The following CDC73 variants were observed in gnomAD, a reference collection of about 807,000 sequenced individuals.
CDC73 encodes the protein cell division cycle 73, also known as parafibromin.
CDC73 carries 21 observed loss-of-function variants against 83.7 expected under a neutral mutation model. The ratio of observed to expected loss-of-function variants is 0.25; its 90% CI spans 0.18 to 0.36. The LOEUF is 0.36. Among genes scored for constraint, CDC73 ranks in the 10% least tolerant of loss-of-function variants. The probability of loss-of-function intolerance (pLI) is 1.00; values close to 1 mark genes in which losing one functional copy is unlikely to be tolerated. For missense variants in CDC73, 342 were observed against 653.3 expected (o/e 0.52, Z 5.19); for synonymous variants, 224 against 212.9 (o/e 1.05, Z -0.45).
rs1486370108 is a variant in CDC73, at chr1:193,251,299, A to T, written c.*587A>T. 1 of 232,076 alleles carries T rather than the reference A, an allele frequency of 4.3e-6. No individual in the cohort carries two copies. The highest frequency in any genetic ancestry group is 6.1e-5 in the East Asian group (1 of 16,342). 14.4% of individuals were successfully genotyped at this position (232,076 alleles called of 1,614,324 possible). A position where few individuals can be genotyped will look rare whatever the true frequency, so the allele number is the denominator to read the frequency against. On this transcript the variant is annotated 3_prime_UTR_variant, in exon 17 of 17. Transcript: ENST00000367435. ...CCTTTTCAAGATTTCTTTATTTACA[A>T]ATGATTACATTTAAATGAATGTACA...
intron 7 of CDC73, among the ~76,000 whole-genome samples, chr1:193,143,972 T>A (rs917362377): frequency 2.0e-5 from 3 of 151,942 alleles, no homozygotes; most frequent in Admixed American, 2.0e-4. Context: ...TAGTGGGGCA[T>A]GGTGGCATGC....
chr1:193,249,283 G>A (rs1195975097), intron 15 of CDC73, among the ~76,000 whole-genome samples: 1 of 152,034 alleles, frequency 6.6e-6, no homozygotes, highest in Non-Finnish European at 1.5e-5. Context: ...TTAATTAGGG[G>A]ATGTACACTG....
intron 10 of CDC73, 119 bp from the exon 11 acceptor site, chr1:193,203,676 C>CA (rs1479935376): frequency 1.2e-5 from 10 of 835,024 alleles, no homozygotes; most frequent in Non-Finnish European, 1.8e-5. Context: ...GTGGAGTAAC[C>CA]AACTGAGTGA....
chr1:193,143,432 T>C (rs1358379152), intron 7 of CDC73, among the ~76,000 whole-genome samples: 2 of 152,172 alleles, frequency 1.3e-5, no homozygotes, highest in Non-Finnish European at 2.9e-5. Context: ...CCTACCTAAC[T>C]TTTAGACCAA....
At chr1:193,225,678 C>T (rs947472791) in intron 13 of CDC73, among the ~76,000 whole-genome samples, 5 of 151,690 alleles carry the variant, frequency 3.3e-5, no homozygotes, top group Non-Finnish European at 5.9e-5. Context: ...GCATTTTTTT[C>T]ATATTTCTTG....
chr1:193,168,401 T>A (rs901790410), intron 10 of CDC73, among the ~76,000 whole-genome samples: 66 of 152,284 alleles, frequency 4.3e-4, no homozygotes, highest in African/African-American at 1.5e-3. Context: ...TGTTACATGC[T>A]TTTTGGAGGA....
intron 14 of CDC73, among the ~76,000 whole-genome samples, chr1:193,234,290 T>TAA: frequency 8.4e-6 from 1 of 118,740 alleles, no homozygotes. Flanking sequence ...AATATACATA[T>TAA]TATATATATA....
At chr1:193,250,018 A>G (rs1678021036) in intron 16 of CDC73, 147 bp downstream of exon 16, 1 of 748,086 alleles carries the variant, frequency 1.3e-6, no homozygotes, top group Non-Finnish European at 2.3e-6. Flanking sequence ...GTACATAATT[A>G]ACAATTTTTT....
intron 3 of CDC73, among the ~76,000 whole-genome samples, chr1:193,133,192 C>T (rs144827538): frequency 9.7e-4 from 148 of 152,156 alleles, no homozygotes; most frequent in Middle Eastern, 3.4e-3. Flanking sequence ...TGAGCCACCG[C>T]GCCTGGCAGT....
chr1:193,236,485 T>C (rs1423500200), intron 15 of CDC73, 129 bp downstream of exon 15: 2 of 692,156 alleles, frequency 2.9e-6, no homozygotes, highest in East Asian at 5.3e-5. Context: ...CATATGTTAA[T>C]GTTTAAGCAT....
At chr1:193,122,489 T>C in intron 1 of CDC73, 158 bp downstream of exon 1, 1 of 938,344 alleles carries the variant, frequency 1.1e-6, no homozygotes, top group Non-Finnish European at 1.6e-6. Flanking sequence ...GTTGCACTTT[T>C]AGGGTAAGGA....
chr1:193,157,528 A>G (rs537558217), intron 10 of CDC73, among the ~76,000 whole-genome samples: 9 of 152,204 alleles, frequency 5.9e-5, no homozygotes, highest in Non-Finnish European at 1.2e-4. Context: ...CTTAAAATCT[A>G]TCTGGCATGA....
At chr1:193,187,225 A>T (rs888344295) in intron 10 of CDC73, among the ~76,000 whole-genome samples, 4 of 150,996 alleles carry the variant, frequency 2.6e-5, no homozygotes, top group African/African-American at 9.7e-5. Flanking sequence ...TTGATGGCAG[A>T]AAACTTTATT....
chr1:193,181,570 A>T (rs1426556953), intron 10 of CDC73: 3 of 1,572,450 alleles, frequency 1.9e-6, no homozygotes, highest in Non-Finnish European at 2.6e-6. Context: ...CATGTTGTAA[A>T]TATCCAGTAG....
chr1:193,188,444 AT>A (rs968394642), intron 10 of CDC73, among the ~76,000 whole-genome samples: 289 of 145,352 alleles, frequency 2.0e-3, no homozygotes, highest in East Asian at 2.0e-3. Flanking sequence ...AAATTGTGGG[AT>A]TTTTTTTTTT....
At chr1:193,132,104 G>A (rs1481500216) in intron 3 of CDC73, among the ~76,000 whole-genome samples, 1 of 152,180 alleles carries the variant, frequency 6.6e-6, no homozygotes, top group Non-Finnish European at 1.5e-5. Flanking sequence ...CAAGTACATT[G>A]ATATAATACA....
intron 7 of CDC73, 58 bp downstream of exon 7, chr1:193,142,124 T>G (rs1368662046): frequency 1.5e-5 from 20 of 1,323,820 alleles, no homozygotes; most frequent in Non-Finnish European, 2.1e-5. Flanking sequence ...AGAGTGCGTT[T>G]AATCTGTGGT....
At chr1:193,140,133 A>G (rs1675879861) in intron 6 of CDC73, among the ~76,000 whole-genome samples, 1 of 152,158 alleles carries the variant, frequency 6.6e-6, no homozygotes, top group African/African-American at 2.4e-5. Flanking sequence ...TCCCAAGGCC[A>G]TGTCTTGGAA....
At chr1:193,135,264 T>A in intron 3 of CDC73, 127 bp from the exon 4 acceptor site, 1 of 770,426 alleles carries the variant, frequency 1.3e-6, no homozygotes, top group Non-Finnish European at 2.2e-6. Flanking sequence ...GCTTTAAAAC[T>A]GAATTTTTTA....
Sources: gnomAD v4.1 joint callset for allele counts (sites outside exome capture counted in the v4.1 genomes callset) on GRCh38, gnomAD v4.1.1 for gene constraint, MANE v1.5 for transcripts, NCBI Gene and HGNC (gene_info 2026-07-23, HGNC 2026-07-21) for gene names.